Variants in RNF144A observed in about 807,000 individuals in gnomAD.
RNF144A encodes the protein E3 ubiquitin-protein ligase RNF144A.
Under a neutral mutation model 38.7 loss-of-function variants are expected in RNF144A, and 11 were observed. The observed-to-expected ratio is 0.28, with a 90% CI of 0.18 to 0.47. RNF144A has a LOEUF of 0.47. Among genes scored for constraint, RNF144A ranks in the 20% least tolerant of loss-of-function variants. The pLI is 0.99. For missense variants in RNF144A, 316 were observed against 377.2 expected (o/e 0.84, Z 1.34); for synonymous variants, 149 against 143.9 (o/e 1.04, Z -0.25).
At chr2:7,035,721 A>G (rs1260196856) in intron 8 of RNF144A, among the ~76,000 whole-genome samples, 1 of 152,212 alleles carries the variant, frequency 6.6e-6, no homozygotes, top group Non-Finnish European at 1.5e-5. Flanking sequence ...TGTGAAGCTC[A>G]GTAAGATTAT....
intron 1 of RNF144A, among the ~76,000 whole-genome samples, chr2:6,928,145 C>T (rs1024472660): frequency 6.6e-6 from 1 of 152,236 alleles, no homozygotes; most frequent in African/African-American, 2.4e-5. Context: ...TATTCAGACT[C>T]AACTGTTCAA....
chr2:6,975,541 G>A (rs1668258369), intron 2 of RNF144A, among the ~76,000 whole-genome samples: 1 of 152,100 alleles, frequency 6.6e-6, no homozygotes, highest in South Asian at 2.1e-4. Flanking sequence ...TTGGATATTC[G>A]GCCAGATGCA....
At chr2:7,060,766 A>T (rs1435667998) in intron 6 of RNF144A, among the ~76,000 whole-genome samples, 3 of 152,154 alleles carry the variant, frequency 2.0e-5, no homozygotes, top group African/African-American at 7.2e-5. Flanking sequence ...CCCATCTTAC[A>T]TAGAGCCTTT....
intron 6 of RNF144A, among the ~76,000 whole-genome samples, chr2:7,023,810 C>A (rs953277016): frequency 2.6e-5 from 4 of 152,238 alleles, no homozygotes; most frequent in Non-Finnish European, 4.4e-5. Context: ...CAGCTCTGAC[C>A]TCAGCTTAAA....
intron 5 of RNF144A, among the ~76,000 whole-genome samples, chr2:7,018,728 AG>A (rs1407257830): frequency 6.6e-6 from 1 of 152,254 alleles, no homozygotes; most frequent in African/African-American, 2.4e-5. Flanking sequence ...CCATTCATTC[AG>A]TATGAGGAGC....
At chr2:7,031,891 G>C (rs192273607) in intron 8 of RNF144A, among the ~76,000 whole-genome samples, 1 of 152,272 alleles carries the variant, frequency 6.6e-6, no homozygotes, top group Non-Finnish European at 1.5e-5. Flanking sequence ...CCAACGGTAC[G>C]TCAGTGAGTT....
rs543754580 is a variant in RNF144A, at chr2:7,020,299, G to A, written c.302-174G>A. Reference sequence around the variant, plus strand: ...AAGGGAGAAGTTGGGAAGAGCTACAGCGGAGGTGGAGGTGGAAGGGTGGCT... The same window carrying A: ...AAGGGAGAAGTTGGGAAGAGCTACAACGGAGGTGGAGGTGGAAGGGTGGCT... On this transcript the variant is annotated intron_variant, in intron 5 of 8. Coordinates refer to ENST00000320892, the MANE Select transcript of RNF144A (RefSeq NM_014746.6). Among the ~76,000 whole-genome samples the A allele has an allele frequency of 3.9e-5, 6 of 152,250 alleles. No homozygotes were observed. The East Asian group carries it at 1.2e-3, about 29-fold the overall frequency.
chr2:6,971,710 A>G (rs1474857228), intron 2 of RNF144A, among the ~76,000 whole-genome samples: 1 of 152,140 alleles, frequency 6.6e-6, no homozygotes, highest in African/African-American at 2.4e-5. Flanking sequence ...TCTGAGTGAC[A>G]TCAGATGAAG....
intron 6 of RNF144A, among the ~76,000 whole-genome samples, chr2:7,065,842 TA>T (rs1385778635): frequency 6.6e-6 from 1 of 152,248 alleles, no homozygotes. Flanking sequence ...AAAGTTACTT[TA>T]AAAATACAGG....
At chr2:6,991,058 T>C (rs1042374413) in intron 2 of RNF144A, among the ~76,000 whole-genome samples, 3 of 152,242 alleles carry the variant, frequency 2.0e-5, no homozygotes, top group Non-Finnish European at 4.4e-5. Flanking sequence ...TGCCTGGATA[T>C]ACCATAGTTT....
intron 3 of RNF144A, among the ~76,000 whole-genome samples, chr2:7,008,488 G>A (rs996805737): frequency 6.6e-6 from 1 of 152,168 alleles, no homozygotes; most frequent in African/African-American, 2.4e-5. Context: ...TAAAGCAGCC[G>A]TGGATGACAC....
intron 1 of RNF144A, among the ~76,000 whole-genome samples, chr2:6,919,607 T>G (rs1456752982): frequency 2.0e-5 from 1 of 49,686 alleles, no homozygotes; most frequent in Non-Finnish European, 9.5e-5. Context: ...AGGCATGGTG[T>G]GGTGTGCCTT....
Position 6,985,196 on chromosome 2 carries a change from C to T in RNF144A, c.-11-11720C>T, listed in dbSNP as rs535308384. The stretch of plus-strand genomic sequence containing the variant: ...AATACTGATAAATGAAAGGTGATTC[C>T]GCGGGACTTCCCCAGGTTTCTTTGA... On this transcript the variant is annotated intron_variant, in intron 2 of 8. Transcript: ENST00000320892. Among the ~76,000 whole-genome samples the T allele has an allele frequency of 1.7e-4, 26 of 151,642 alleles. No individual in the cohort carries two copies. In the Middle Eastern group the frequency reaches 0.017, roughly 101 times the overall value.
At chr2:7,045,783 G>A (rs1289413191), downstream of RNF144A, among the ~76,000 whole-genome samples, 4 of 152,186 alleles carry the variant, frequency 2.6e-5, no homozygotes, top group Admixed American at 2.6e-4. Flanking sequence ...AGGTGGACGG[G>A]TACAGCAGGT....
intron 2 of RNF144A, among the ~76,000 whole-genome samples, chr2:6,990,541 AT>A (rs1669287199): frequency 7.3e-6 from 1 of 136,204 alleles, no homozygotes; most frequent in Admixed American, 7.9e-5. Flanking sequence ...TGCTATGTAT[AT>A]ATATAGAGAG....
chr2:7,026,231 A>C (rs1671882203), intron 7 of RNF144A, among the ~76,000 whole-genome samples: 1 of 152,232 alleles, frequency 6.6e-6, no homozygotes, highest in African/African-American at 2.4e-5. Flanking sequence ...TATTCCTTTG[A>C]AAGGCCTGTT....
chr2:7,024,260 C>T, intron 6 of RNF144A, 109 bp from the exon 7 acceptor site: 1 of 984,280 alleles, frequency 1.0e-6, no homozygotes, highest in Non-Finnish European at 1.4e-6. Context: ...CATTTAATAC[C>T]AAGAAAACTC....
intron 8 of RNF144A, among the ~76,000 whole-genome samples, chr2:7,035,280 G>A (rs183851596): frequency 5.9e-5 from 9 of 152,296 alleles, no homozygotes; most frequent in African/African-American, 1.4e-4. Flanking sequence ...GCCACAGCAC[G>A]TGCTGAGCAG....
chr2:6,923,529 C>T (rs1664674800), intron 1 of RNF144A, among the ~76,000 whole-genome samples: 1 of 152,250 alleles, frequency 6.6e-6, no homozygotes, highest in African/African-American at 2.4e-5. Flanking sequence ...TCCCACCATC[C>T]ATGTGCCAGC....
Sources: gnomAD v4.1 joint callset for allele counts (sites outside exome capture counted in the v4.1 genomes callset) on GRCh38, gnomAD v4.1.1 for gene constraint, MANE v1.5 for transcripts, NCBI Gene and HGNC (gene_info 2026-07-23, HGNC 2026-07-21) for gene names.